Variants in DOCK11 observed in about 807,000 individuals in gnomAD.
DOCK11 encodes dedicator of cytokinesis protein 11.
A neutral mutation model predicts 169.1 loss-of-function variants in DOCK11; 70 were observed. The ratio of observed to expected loss-of-function variants is 0.41; its 90% CI spans 0.34 to 0.51. The LOEUF (loss-of-function observed/expected upper bound fraction) is 0.51. Ranked by LOEUF, DOCK11 falls within the 20% of genes least tolerant of loss-of-function variation. The pLI is 0.10. For missense variants in DOCK11, 1,166 were observed against 1,538.8 expected (o/e 0.76, Z 4.05); for synonymous variants, 529 against 541.3 (o/e 0.98, Z 0.32).
chrX:118,549,170 T>C (rs1426810535), intron 6 of DOCK11, among the ~76,000 whole-genome samples: 2 of 94,452 alleles, frequency 2.1e-5, no homozygotes, highest in Admixed American at 2.1e-4. Context: ...TTGAGATGGC[T>C]CCTAGCTCTG....
chrX:118,644,901 T>A (rs981974431), intron 40 of DOCK11, among the ~76,000 whole-genome samples: 4 of 111,450 alleles, frequency 3.6e-5, no homozygotes, highest in African/African-American at 1.3e-4. Context: ...TCTTTAAAAG[T>A]TGTGTTGAAG....
intron 41 of DOCK11, among the ~76,000 whole-genome samples, chrX:118,650,758 G>A (rs2147538323): frequency 9.0e-6 from 1 of 111,505 alleles, no homozygotes; most frequent in Admixed American, 9.6e-5. Flanking sequence ...CAAAGCATCA[G>A]TTTTCTTTAA....
intron 1 of DOCK11, among the ~76,000 whole-genome samples, chrX:118,532,361 G>A (rs1156882422): frequency 9.0e-6 from 1 of 111,290 alleles, no homozygotes; most frequent in African/African-American, 3.3e-5. Context: ...GAAGCTACAC[G>A]AGAGCAACTG....
At chrX:118,658,609 A>C (rs1415765200) in intron 44 of DOCK11, among the ~76,000 whole-genome samples, 1 of 111,936 alleles carries the variant, frequency 8.9e-6, no homozygotes, top group East Asian at 2.8e-4. Context: ...TCTTTCAGGC[A>C]GCCTGAGCTC....
chrX:118,647,776 A>T (rs1402236930), intron 40 of DOCK11, among the ~76,000 whole-genome samples: 20 of 32,619 alleles, frequency 6.1e-4, no homozygotes, highest in South Asian at 3.2e-3. Flanking sequence ...TATAATATAT[A>T]ATAATATATA....
chrX:118,638,038 G>C, intron 36 of DOCK11, 42 bp from the exon 37 acceptor site: 1 of 1,029,604 alleles, frequency 9.7e-7, no homozygotes, highest in Non-Finnish European at 1.4e-6. Flanking sequence ...ATCTGTAGAG[G>C]ATGTTAATAT....
At chrX:118,554,822 C>T (rs1414337504) in intron 6 of DOCK11, among the ~76,000 whole-genome samples, 1 of 111,624 alleles carries the variant, frequency 9.0e-6, no homozygotes, top group Non-Finnish European at 1.9e-5. Context: ...TTTGGTATCA[C>T]CTTGTGCCTC....
chrX:118,524,419 C>G (rs56288238), intron 1 of DOCK11, among the ~76,000 whole-genome samples: 3 of 111,033 alleles, frequency 2.7e-5, no homozygotes, highest in Non-Finnish European at 5.7e-5. Context: ...TTTCTCAAAT[C>G]AGAGGACACT....
At chrX:118,502,847 T>C (rs2147304546) in intron 1 of DOCK11, among the ~76,000 whole-genome samples, 1 of 111,161 alleles carries the variant, frequency 9.0e-6, no homozygotes, top group Non-Finnish European at 1.9e-5. Context: ...GGGGGCAATG[T>C]TTTGTATCAT....
chrX:118,608,371 CACA>C lies in DOCK11; in HGVS notation c.2877+20_2877+22del, dbSNP rs768807055. Reference sequence around the variant, plus strand: ...AATTGCTAAAGGTATGAACACAGGACACAACAAGGAACAAAAGCAGCCATAGAC... The same window carrying C: ...AATTGCTAAAGGTATGAACACAGGACACAAGGAACAAAAGCAGCCATAGAC... On this transcript the variant is annotated intron_variant, in intron 26 of 52. Coordinates refer to ENST00000276202, the MANE Select transcript of DOCK11 (RefSeq NM_144658.4). 1.3e-5 allele frequency: 16 copies of C among 1,188,616 alleles called. No individual in the cohort carries two copies. Among genetic ancestry groups the C allele is most frequent in the Non-Finnish European group, 1.6e-5 (14 of 886,454 alleles).
intron 44 of DOCK11, among the ~76,000 whole-genome samples, chrX:118,657,020 A>G (rs1603169549): frequency 8.9e-6 from 1 of 112,378 alleles, no homozygotes; most frequent in East Asian, 2.8e-4. Flanking sequence ...ATAGTTAATT[A>G]TATTAAAACT....
chrX:118,521,905 C>T (rs2011275713), intron 1 of DOCK11, among the ~76,000 whole-genome samples: 1 of 111,958 alleles, frequency 8.9e-6, no homozygotes, highest in Non-Finnish European at 1.9e-5. Flanking sequence ...TTGAAAACTG[C>T]ACTAGAAGAA....
rs201329388 is a variant in DOCK11 at position 118,514,232 on chromosome X, G to GC, written c.102+18167dup. Among the ~76,000 whole-genome samples, 739 of 108,330 alleles carry GC rather than the reference G, an allele frequency of 6.8e-3. 12 individuals are homozygous for GC. Among genetic ancestry groups the GC allele is most frequent in the East Asian group, 0.06 (205 of 3,421 alleles). 94.1% of individuals were successfully genotyped at this position (108,330 alleles called of 115,157 possible). On this transcript the variant is annotated intron_variant, in intron 1 of 52. Coordinates refer to ENST00000276202, the MANE Select transcript of DOCK11 (RefSeq NM_144658.4). ...CTGCCTGGACTGTAAGTTTCCTGAGGCCCCCCCCATCAATGCTGAACTGTG... is the reference window on the plus strand; with the variant it reads ...CTGCCTGGACTGTAAGTTTCCTGAGGCCCCCCCCCATCAATGCTGAACTGTG...
rs112036539 is a variant in DOCK11 at position 118,526,369 on chromosome X, TG to T, written c.103-16355del. On this transcript the variant is annotated intron_variant, in intron 1 of 52. Coordinates refer to ENST00000276202, the MANE Select transcript of DOCK11 (RefSeq NM_144658.4). ...TGTTTCCTCTCTCAGCTAGCTGTTC[TG>T]TCAATGGTCTGTCCCCAGGGCCCTT... 9.2e-3 allele frequency among the ~76,000 whole-genome samples: 1,042 copies of T among 112,673 alleles called. 13 individuals are homozygous for T. The highest frequency in any genetic ancestry group is 0.032 in the African/African-American group (990 of 30,989).
intron 6 of DOCK11, among the ~76,000 whole-genome samples, chrX:118,555,570 AAAAAC>A (rs2012656534): frequency 9.1e-6 from 1 of 109,937 alleles, no homozygotes; most frequent in Admixed American, 9.7e-5. Context: ...AAGAAAAAAA[AAAAAC>A]AAAATAAACT....
intron 7 of DOCK11, among the ~76,000 whole-genome samples, chrX:118,562,229 G>A (rs895555810): frequency 1.8e-5 from 2 of 109,131 alleles, no homozygotes; most frequent in African/African-American, 6.7e-5. Context: ...TGGCATCTCC[G>A]TCCTCCGAAA....
chrX:118,662,529 CAA>C (rs1357146682), intron 44 of DOCK11, among the ~76,000 whole-genome samples, 155 bp from the exon 45 acceptor site: 2 of 112,231 alleles, frequency 1.8e-5, no homozygotes, highest in East Asian at 5.5e-4. Context: ...CAAATGGAAA[CAA>C]ATTTAAAAAT....
intron 40 of DOCK11, among the ~76,000 whole-genome samples, chrX:118,648,208 T>A (rs182553410): frequency 0.21 from 11,780 of 56,363 alleles, 788 homozygotes; most frequent in African/African-American, 0.32. Flanking sequence ...TATATAATAT[T>A]ATAATATTAT....
chrX:118,584,452 C>T (rs1353128087), intron 14 of DOCK11, among the ~76,000 whole-genome samples: 3 of 95,326 alleles, frequency 3.1e-5, no homozygotes, highest in African/African-American at 4.3e-5. Context: ...TGGGTTATTA[C>T]TAGTTTGGAG....
Sources: gnomAD v4.1 joint callset for allele counts (sites outside exome capture counted in the v4.1 genomes callset) on GRCh38, gnomAD v4.1.1 for gene constraint, MANE v1.5 for transcripts, NCBI Gene and HGNC (gene_info 2026-07-23, HGNC 2026-07-21) for gene names.